Variants in BRWD3 observed in about 807,000 individuals in gnomAD.
BRWD3 encodes the protein bromodomain and WD repeat-containing protein 3.
In BRWD3, 10 loss-of-function variants were observed where a neutral mutation model predicts 149.7. The ratio of observed to expected loss-of-function variants is 0.07; its 90% CI spans 0.04 to 0.11. The LOEUF (loss-of-function observed/expected upper bound fraction) is 0.11, where lower values mean the gene tolerates loss of function less well. BRWD3 is among the 10% of genes least tolerant of loss of function. The probability of loss-of-function intolerance (pLI) is 1.00; values close to 1 mark genes in which losing one functional copy is unlikely to be tolerated. For missense variants in BRWD3, 940 were observed against 1,373.2 expected (o/e 0.68, Z 4.99); for synonymous variants, 504 against 456.7 (o/e 1.10, Z -1.32).
At chrX:80,742,495 C>T (rs1354579031) in intron 8 of BRWD3, among the ~76,000 whole-genome samples, 1 of 108,617 alleles carries the variant, frequency 9.2e-6, no homozygotes, top group Non-Finnish European at 1.9e-5. Context: ...GACAGTATGG[C>T]CATTTTCACG....
At chrX:80,757,300 A>G (rs1343352818) in intron 6 of BRWD3, among the ~76,000 whole-genome samples, 1 of 111,951 alleles carries the variant, frequency 8.9e-6, no homozygotes, top group Non-Finnish European at 1.9e-5. Flanking sequence ...AAAACAGGGC[A>G]ATCAATCAAC....
Position 80,703,584 on chromosome X carries a change from G to A in BRWD3, c.2731C>T (p.Leu911=). ...PKQTRKKKGG[L]VSIAGEPNEE... ...TTAGGCTCACCTGCTATAGAAACCA[G>A]TCCTCCTTTCTAAAACATAAATACA... is the stretch of plus-strand genomic sequence containing the variant. Residue 911 remains leucine, a synonymous_variant, in exon 24 of 41, where the codon CTG becomes TTG. Coordinates refer to ENST00000373275, the MANE Select transcript of BRWD3 (RefSeq NM_153252.5). 2.5e-6 allele frequency: 3 copies of A among 1,193,165 alleles called. No homozygotes were observed. The highest frequency in any genetic ancestry group is 3.4e-6 in the Non-Finnish European group (3 of 881,574).
rs1441452221 is a variant in BRWD3 at position 80,691,991 on chromosome X, T to C, written c.3326-13A>G. ...TCTGGAAAGGCAGCTAGGTATAAGA[T>C]AAAAAAAAAAAAATTAGAAAAAATT... On this transcript the variant is annotated splice_polypyrimidine_tract_variant and intron_variant, in intron 29 of 40. Coordinates refer to ENST00000373275, the MANE Select transcript of BRWD3 (RefSeq NM_153252.5). The C allele has an allele frequency of 3.2e-6, 3 of 934,454 alleles. No individual in the cohort carries two copies. The highest frequency in any genetic ancestry group is 5.7e-5 in the Admixed American group (2 of 35,316). 77.0% of individuals were successfully genotyped at this position (934,454 alleles called of 1,213,427 possible).
intron 40 of BRWD3, among the ~76,000 whole-genome samples, chrX:80,679,190 T>C (rs1195447960): frequency 4.5e-5 from 5 of 112,055 alleles, no homozygotes; most frequent in Non-Finnish European, 5.6e-5. Context: ...CCAAGCTGAC[T>C]AATACTTCAG....
At chrX:80,769,505 T>A (rs1043053484) in intron 6 of BRWD3, among the ~76,000 whole-genome samples, 4 of 111,054 alleles carry the variant, frequency 3.6e-5, no homozygotes, top group African/African-American at 9.8e-5. Flanking sequence ...GGGTAAATAA[T>A]GAAATGAAGG....
chrX:80,733,612 T>C lies in BRWD3; in HGVS notation c.1087-116A>G, dbSNP rs1332829486. On this transcript the variant is annotated intron_variant, in intron 11 of 40. Transcript: ENST00000373275. Reference sequence around the variant, plus strand: ...ATGAAGTAGTTTTTTTTTTTTTTAATTTCAATGAAGCCCAAAACAATGTAC... The same window carrying C: ...ATGAAGTAGTTTTTTTTTTTTTTAACTTCAATGAAGCCCAAAACAATGTAC... 12 of 543,211 alleles carry C rather than the reference T, an allele frequency of 2.2e-5. No homozygotes were observed. Among genetic ancestry groups the C allele is most frequent in the Admixed American group, 6.5e-5 (2 of 30,786 alleles). The allele number at this position is 543,211 out of a possible 1,213,427, so 44.8% of individuals were successfully genotyped here. A position where few individuals can be genotyped will look rare whatever the true frequency, so the allele number is the denominator to read the frequency against.
chrX:80,681,630 G>A (rs2072449112), intron 39 of BRWD3, 131 bp from the exon 40 acceptor site: 1 of 554,226 alleles, frequency 1.8e-6, no homozygotes, highest in Non-Finnish European at 2.9e-6. Flanking sequence ...CTAAGAAAAT[G>A]ATATGAATAT....
At chrX:80,765,544 C>T (rs1158832086) in intron 6 of BRWD3, among the ~76,000 whole-genome samples, 1 of 111,851 alleles carries the variant, frequency 8.9e-6, no homozygotes, top group Non-Finnish European at 1.9e-5. Flanking sequence ...ATACCAACTA[C>T]AACCATGTGA....
At chrX:80,778,960 T>C (rs754419270) in intron 6 of BRWD3, among the ~76,000 whole-genome samples, 13 of 111,211 alleles carry the variant, frequency 1.2e-4, no homozygotes, top group African/African-American at 3.3e-4. Flanking sequence ...GATGGTGCCA[T>C]TGCACTCCAG....
intron 4 of BRWD3, among the ~76,000 whole-genome samples, chrX:80,804,221 C>T (rs1246963484): frequency 9.1e-6 from 1 of 109,986 alleles, no homozygotes; most frequent in East Asian, 2.8e-4. Flanking sequence ...CACACCTAAA[C>T]ACATTTATAA....
chrX:80,710,127 G>A (rs2072939318), intron 20 of BRWD3: 1 of 569,951 alleles, frequency 1.8e-6, no homozygotes, highest in African/African-American at 2.3e-5. Context: ...AAACATATTG[G>A]TATCTCAATT....
intron 6 of BRWD3, among the ~76,000 whole-genome samples, chrX:80,757,998 G>A (rs1183177383): frequency 1.8e-5 from 2 of 111,495 alleles, no homozygotes; most frequent in Admixed American, 9.5e-5. Context: ...TAGGGAGTTC[G>A]AGACCAGCCT....
chrX:80,809,009 G>A lies in BRWD3; in HGVS notation c.120+4C>T, dbSNP rs1370866891. The A allele has an allele frequency of 1.7e-6, 2 of 1,197,344 alleles. No individual in the cohort carries two copies. Among genetic ancestry groups the A allele is most frequent in the African/African-American group, 1.8e-5 (1 of 57,112 alleles). On this transcript the variant is annotated splice_donor_region_variant and intron_variant, in intron 3 of 40. Coordinates refer to ENST00000373275, the MANE Select transcript of BRWD3 (RefSeq NM_153252.5). Reference sequence around the variant, plus strand: ...TCCCCACCCTTCCCGAAGGGGCTCCGTACCTGATGCTCCTCGAGCTCCTGC... The same window carrying A: ...TCCCCACCCTTCCCGAAGGGGCTCCATACCTGATGCTCCTCGAGCTCCTGC...
Position 80,692,927 on chromosome X carries a change from T to C in BRWD3, c.3263+13A>G, listed in dbSNP as rs776710859. On this transcript the variant is annotated intron_variant, in intron 28 of 40. Coordinates refer to ENST00000373275, the MANE Select transcript of BRWD3 (RefSeq NM_153252.5). ...ATGTCATATTAGGCATAAAAGATCATAAACATACTTACTGAACACTGTAAC... is the reference window on the plus strand; with the variant it reads ...ATGTCATATTAGGCATAAAAGATCACAAACATACTTACTGAACACTGTAAC... The C allele has an allele frequency of 1.7e-6, 2 of 1,168,213 alleles. No individual in the cohort carries two copies. Among genetic ancestry groups the C allele is most frequent in the Admixed American group, 2.2e-5 (1 of 45,978 alleles).
At chrX:80,712,049 A>G (rs1200041836) in intron 20 of BRWD3, among the ~76,000 whole-genome samples, 1 of 112,036 alleles carries the variant, frequency 8.9e-6, no homozygotes. Flanking sequence ...AAGATTCTTA[A>G]GAGGTAAAAA....
intron 20 of BRWD3, among the ~76,000 whole-genome samples, chrX:80,713,684 C>T (rs930380250): frequency 1.8e-5 from 2 of 109,420 alleles, no homozygotes; most frequent in Non-Finnish European, 3.8e-5. Flanking sequence ...CAAGAATGAT[C>T]AATAAAAAAA....
intron 5 of BRWD3, 135 bp from the exon 6 acceptor site, chrX:80,792,087 G>A: frequency 4.3e-6 from 2 of 466,022 alleles, no homozygotes; most frequent in Non-Finnish European, 3.7e-6. Context: ...AAAATAATAG[G>A]CATATATTTG....
In BRWD3 at chrX:80,728,837, T is replaced by C. The variant is rs1011440100; in HGVS notation, c.1301A>G (p.Tyr434Cys). The C allele has an allele frequency of 3.3e-6, 4 of 1,204,855 alleles. No individual in the cohort carries two copies. The highest frequency in any genetic ancestry group is 4.5e-6 in the Non-Finnish European group (4 of 890,404). The change falls in exon 14 of 41, where the codon TAT (tyrosine) becomes TGT (cysteine). Residue 434 changes from tyrosine to cysteine, a missense_variant. Coordinates refer to ENST00000373275, the MANE Select transcript of BRWD3 (RefSeq NM_153252.5). Reference sequence around the variant, plus strand: ...CACTGCAGTAATAACTGTGGTATCATAGCGATCCCAGGCCACCATAGTCAC... The same window carrying C: ...CACTGCAGTAATAACTGTGGTATCACAGCGATCCCAGGCCACCATAGTCAC... ...LKVTMVAWDR[Y>C]DTTVITAVNN...
At chrX:80,754,307 C>T (rs906907431) in intron 6 of BRWD3, among the ~76,000 whole-genome samples, 5 of 111,581 alleles carry the variant, frequency 4.5e-5, no homozygotes, top group Admixed American at 1.9e-4. Context: ...TCTTAGCTTG[C>T]TCACTTTTGG....
Sources: gnomAD v4.1 joint callset for allele counts (sites outside exome capture counted in the v4.1 genomes callset) on GRCh38, gnomAD v4.1.1 for gene constraint, MANE v1.5 for transcripts, NCBI Gene and HGNC (gene_info 2026-07-23, HGNC 2026-07-21) for gene names.